Variants in SSBP2 observed in about 807,000 individuals in gnomAD.
SSBP2 encodes single stranded DNA binding protein 2.
A neutral mutation model predicts 61.8 loss-of-function variants in SSBP2; 17 were observed. The ratio of observed to expected loss-of-function variants is 0.28; its 90% CI spans 0.19 to 0.41. SSBP2 has a LOEUF of 0.41. Among genes scored for constraint, SSBP2 ranks in the 10% least tolerant of loss-of-function variants. SSBP2 has a pLI of 1.00. For missense variants in SSBP2, 310 were observed against 458.7 expected (o/e 0.68, Z 2.96); for synonymous variants, 139 against 141.3 (o/e 0.98, Z 0.12).
intron 4 of SSBP2, among the ~76,000 whole-genome samples, chr5:81,600,561 C>CAAAAAAA (rs35204869): frequency 5.4e-4 from 47 of 87,286 alleles, no homozygotes; most frequent in East Asian, 8.6e-4. Flanking sequence ...GACTCTGTCT[C>CAAAAAAA]AAAAAAAAAA....
At chr5:81,452,683 A>ATGC in intron 10 of SSBP2, among the ~76,000 whole-genome samples, 1 of 152,206 alleles carries the variant, frequency 6.6e-6, no homozygotes, top group Admixed American at 6.5e-5. Flanking sequence ...GACTGGGTAG[A>ATGC]TGCTGCTGCT....
intron 1 of SSBP2, among the ~76,000 whole-genome samples, chr5:81,714,764 G>GT (rs1187054016): frequency 2.0e-5 from 3 of 152,060 alleles, no homozygotes; most frequent in African/African-American, 7.2e-5. Flanking sequence ...TTGTAAATTT[G>GT]TTTAAGTTCT....
intron 1 of SSBP2, among the ~76,000 whole-genome samples, chr5:81,677,288 A>C (rs1752055152): frequency 1.3e-5 from 2 of 152,206 alleles, no homozygotes; most frequent in African/African-American, 4.8e-5. Context: ...AAACAGAAAA[A>C]TCAACAGCTA....
intron 2 of SSBP2, among the ~76,000 whole-genome samples, chr5:81,643,182 T>C (rs943243179): frequency 6.6e-6 from 1 of 152,166 alleles, no homozygotes; most frequent in Admixed American, 6.5e-5. Flanking sequence ...AGCACGATTC[T>C]GGATGCCGGC....
At chr5:81,501,558 C>CTTTTTTTTT (rs1767772621) in intron 5 of SSBP2, among the ~76,000 whole-genome samples, 1 of 130,094 alleles carries the variant, frequency 7.7e-6, no homozygotes, top group Non-Finnish European at 1.7e-5. Flanking sequence ...TTCTTTCTTT[C>CTTTTTTTTT]TTTTCTTTTT....
At chr5:81,572,589 T>A (rs545141648) in intron 4 of SSBP2, among the ~76,000 whole-genome samples, 2 of 152,160 alleles carry the variant, frequency 1.3e-5, no homozygotes, top group Non-Finnish European at 2.9e-5. Context: ...AGCCATAGAG[T>A]TAATGTGTTT....
intron 16 of SSBP2, among the ~76,000 whole-genome samples, chr5:81,423,220 G>A (rs541457533): frequency 6.6e-6 from 1 of 152,258 alleles, no homozygotes; most frequent in South Asian, 2.1e-4. Context: ...ATAATTCTGT[G>A]CTGTTTACTG....
intron 3 of SSBP2, among the ~76,000 whole-genome samples, chr5:81,626,401 A>G (rs1447125778): frequency 6.6e-6 from 1 of 152,208 alleles, no homozygotes; most frequent in East Asian, 1.9e-4. Flanking sequence ...GCTTAGGTTA[A>G]ATTAGATTAA....
chr5:81,678,192 G>C (rs921394466), intron 1 of SSBP2, among the ~76,000 whole-genome samples: 1 of 152,140 alleles, frequency 6.6e-6, no homozygotes, highest in African/African-American at 2.4e-5. Context: ...GATGGATAAT[G>C]TAAGAAGAGA....
intron 4 of SSBP2, among the ~76,000 whole-genome samples, chr5:81,552,626 A>C (rs981054372): frequency 6.6e-6 from 1 of 151,140 alleles, no homozygotes; most frequent in Non-Finnish European, 1.5e-5. Context: ...CAACAGAGCA[A>C]GACTATGTCT....
intron 1 of SSBP2, among the ~76,000 whole-genome samples, chr5:81,698,541 G>T (rs1457926792): frequency 6.6e-6 from 1 of 152,226 alleles, no homozygotes; most frequent in Non-Finnish European, 1.5e-5. Flanking sequence ...GCCACGTGCG[G>T]TGGCTCACGC....
At chr5:81,644,391 C>G (rs151016918) in intron 2 of SSBP2, among the ~76,000 whole-genome samples, 22 of 152,192 alleles carry the variant, frequency 1.4e-4, no homozygotes, top group African/African-American at 5.3e-4. Context: ...GGAAGTTGCT[C>G]ATGGTCTCTT....
In SSBP2 at chr5:81,570,480, C is replaced by A. The variant is rs191806839; in HGVS notation, c.282+44993G>T. The stretch of plus-strand genomic sequence containing the variant: ...GTAATGAACAATCATAAATATATAA[C>A]AAGATCACATTACACCTGAAATCAG... On this transcript the variant is annotated intron_variant, in intron 4 of 16. Transcript: ENST00000320672. 1.6e-3 allele frequency among the ~76,000 whole-genome samples: 249 copies of A among 152,242 alleles called. 2 individuals carry two copies. In the Middle Eastern group the frequency reaches 0.037, roughly 23 times the overall value.
At chr5:81,626,397 G>A (rs1413729070) in intron 3 of SSBP2, among the ~76,000 whole-genome samples, 1 of 152,190 alleles carries the variant, frequency 6.6e-6, no homozygotes, top group Non-Finnish European at 1.5e-5. Flanking sequence ...TGAAGCTTAG[G>A]TTAAATTAGA....
chr5:81,441,686 A>C (rs1763048629), intron 13 of SSBP2, among the ~76,000 whole-genome samples: 1 of 152,200 alleles, frequency 6.6e-6, no homozygotes, highest in Non-Finnish European at 1.5e-5. Context: ...GGGCAATACA[A>C]ACCACATGCT....
chr5:81,678,287 T>G (rs1752138035), intron 1 of SSBP2, among the ~76,000 whole-genome samples: 1 of 152,174 alleles, frequency 6.6e-6, no homozygotes, highest in African/African-American at 2.4e-5. Flanking sequence ...TTGATGGGTC[T>G]ATTAGTAGAC....
chr5:81,493,625 A>G (rs1767060250), intron 5 of SSBP2, among the ~76,000 whole-genome samples: 1 of 152,016 alleles, frequency 6.6e-6, no homozygotes, highest in South Asian at 2.1e-4. Context: ...ATGTGGTGGC[A>G]TGTGCCTGTA....
intron 1 of SSBP2, among the ~76,000 whole-genome samples, chr5:81,732,932 C>T (rs1469482186): frequency 1.3e-5 from 2 of 152,096 alleles, no homozygotes; most frequent in Non-Finnish European, 2.9e-5. Flanking sequence ...AATTAGAAAA[C>T]AGTACATTTT....
chr5:81,710,519 T>C (rs1275715162), intron 1 of SSBP2, among the ~76,000 whole-genome samples: 1 of 152,060 alleles, frequency 6.6e-6, no homozygotes, highest in Non-Finnish European at 1.5e-5. Context: ...CTGTGTCCAA[T>C]ATATACTGGT....
Sources: allele counts gnomAD v4.1 joint callset (sites outside exome capture counted in the v4.1 genomes callset), GRCh38; gene constraint gnomAD v4.1.1; transcripts MANE v1.5; gene names NCBI Gene and HGNC (gene_info 2026-07-23, HGNC 2026-07-21).